LRIG1: variants seen among roughly 807,000 people sequenced by gnomAD.
LRIG1 encodes leucine rich repeats and immunoglobulin like domains 1.
LRIG1 carries 48 observed loss-of-function variants against 99.2 expected under a neutral mutation model. The observed-to-expected ratio is 0.48, with a 90% CI of 0.38 to 0.62. The LOEUF (loss-of-function observed/expected upper bound fraction) is 0.62, where lower values mean the gene tolerates loss of function less well. Among genes scored for constraint, LRIG1 ranks in the 20% least tolerant of loss-of-function variants. The probability of loss-of-function intolerance (pLI) is 0.00; values close to 1 mark genes in which losing one functional copy is unlikely to be tolerated. For missense variants in LRIG1, 1,646 were observed against 1,434.4 expected, an observed-to-expected ratio of 1.15 and a Z score of -2.38; for synonymous variants, 772 against 596.1, an observed-to-expected ratio of 1.29 and a Z score of -4.30.
At chr3:66,385,691 G>T (rs1441497743) in intron 13 of LRIG1, among the ~76,000 whole-genome samples, 1 of 152,114 alleles carries the variant, frequency 6.6e-6, no homozygotes, top group East Asian at 1.9e-4. Context: ...GGCTTCAAGT[G>T]ATCTGCCCAC....
At chr3:66,414,813 A>C in intron 5 of LRIG1, 107 bp downstream of exon 5, 1 of 1,159,358 alleles carries the variant, frequency 8.6e-7, no homozygotes, top group Non-Finnish European at 1.2e-6. Flanking sequence ...GGAGAGCTTT[A>C]CCAAATGGAG....
chr3:66,395,651 G>A (rs1461478623), intron 11 of LRIG1, among the ~76,000 whole-genome samples: 1 of 152,244 alleles, frequency 6.6e-6, no homozygotes, highest in East Asian at 1.9e-4. Flanking sequence ...TCTGCTGAGA[G>A]CCATCTGGAG....
In LRIG1 at chr3:66,393,427, G is replaced by C. The variant is rs139687530; in HGVS notation, c.1468+613C>G. 3.9e-3 allele frequency among the ~76,000 whole-genome samples: 596 copies of C among 152,330 alleles called. 4 individuals carry two copies. Among genetic ancestry groups the C allele is most frequent in the South Asian group, 0.021 (100 of 4,818 alleles). On this transcript the variant is annotated intron_variant, in intron 12 of 18. Coordinates refer to ENST00000273261, the MANE Select transcript of LRIG1 (RefSeq NM_015541.3). ...GTCCTGTCTGAGCTAGCCTGCGTGT[G>C]TGTTTTCAGCTGTTCAGCATTTTCT...
At chr3:66,414,683 A>G (rs534626669) in intron 5 of LRIG1, among the ~76,000 whole-genome samples, 1 of 152,308 alleles carries the variant, frequency 6.6e-6, no homozygotes, top group East Asian at 1.9e-4. Context: ...CCATTTTGGA[A>G]AACATCAGGG....
intron 1 of LRIG1, among the ~76,000 whole-genome samples, chr3:66,474,553 C>T (rs1700675206): frequency 1.3e-5 from 2 of 152,106 alleles, no homozygotes; most frequent in African/African-American, 4.8e-5. Context: ...ACCACATTGG[C>T]CAGGCTGGTC....
intron 3 of LRIG1, among the ~76,000 whole-genome samples, 187 bp downstream of exon 3, chr3:66,451,372 G>A (rs1305220907): frequency 2.0e-5 from 3 of 151,648 alleles, no homozygotes; most frequent in South Asian, 4.2e-4. Context: ...AACTTCCAGC[G>A]TTTAATTCTG....
intron 7 of LRIG1, 96 bp downstream of exon 7, chr3:66,410,033 C>A (rs955522221): frequency 7.2e-5 from 97 of 1,343,230 alleles, no homozygotes; most frequent in Non-Finnish European, 8.1e-5. Flanking sequence ...GAGCCCTCCC[C>A]GAGGCCACTG....
intron 1 of LRIG1, among the ~76,000 whole-genome samples, chr3:66,478,241 T>G (rs974519703): frequency 4.6e-5 from 7 of 152,210 alleles, no homozygotes; most frequent in African/African-American, 1.7e-4. Flanking sequence ...ACAACTAATT[T>G]CAGTGCATGT....
At chr3:66,411,056 C>T (rs559080297) in intron 6 of LRIG1, among the ~76,000 whole-genome samples, 24 of 152,294 alleles carry the variant, frequency 1.6e-4, no homozygotes, top group Non-Finnish European at 2.2e-4. Flanking sequence ...GCACTGACTC[C>T]ATGGGGTCAC....
chr3:66,459,589 C>A (rs979074411), intron 2 of LRIG1, among the ~76,000 whole-genome samples: 3 of 152,220 alleles, frequency 2.0e-5, no homozygotes, highest in African/African-American at 7.2e-5. Context: ...ACAAAAAATA[C>A]TCCCACATTA....
At chr3:66,452,636 T>A (rs978682441) in intron 2 of LRIG1, among the ~76,000 whole-genome samples, 3 of 152,166 alleles carry the variant, frequency 2.0e-5, no homozygotes, top group Non-Finnish European at 4.4e-5. Context: ...CTGTTTCTGT[T>A]TGAAGACAAA....
At chr3:66,490,044 A>T (rs546701677) in intron 1 of LRIG1, among the ~76,000 whole-genome samples, 1 of 152,222 alleles carries the variant, frequency 6.6e-6, no homozygotes, top group Non-Finnish European at 1.5e-5. Flanking sequence ...TAATGAAATG[A>T]ATATAATTTA....
intron 3 of LRIG1, among the ~76,000 whole-genome samples, chr3:66,422,297 A>C (rs954969479): frequency 6.6e-6 from 1 of 152,212 alleles, no homozygotes; most frequent in Non-Finnish European, 1.5e-5. Context: ...GTCAGGCTGC[A>C]AATTTTCCAA....
At chr3:66,496,447 A>T (rs1027683522) in intron 1 of LRIG1, among the ~76,000 whole-genome samples, 2 of 152,228 alleles carry the variant, frequency 1.3e-5, no homozygotes, top group East Asian at 3.9e-4. Context: ...ACTCAAAAAA[A>T]GTTGTCAGAG....
At chr3:66,427,327 C>T (rs1258069571) in intron 3 of LRIG1, among the ~76,000 whole-genome samples, 12 of 152,262 alleles carry the variant, frequency 7.9e-5, no homozygotes, top group Admixed American at 6.5e-5. Flanking sequence ...CAACATATCA[C>T]ACCTGGAATC....
intron 5 of LRIG1, among the ~76,000 whole-genome samples, 165 bp from the exon 6 acceptor site, chr3:66,413,179 C>T (rs145656861): frequency 4.6e-5 from 7 of 152,286 alleles, no homozygotes; most frequent in African/African-American, 1.7e-4. Flanking sequence ...GTCTCGGCTG[C>T]CATGCAGGCA....
At chr3:66,489,565 CAG>C (rs543321889) in intron 1 of LRIG1, among the ~76,000 whole-genome samples, 4 of 150,286 alleles carry the variant, frequency 2.7e-5, no homozygotes, top group Non-Finnish European at 4.4e-5. Flanking sequence ...AACACACACA[CAG>C]AGAGAGAGAG....
chr3:66,431,246 G>A (rs1703163030), intron 3 of LRIG1, among the ~76,000 whole-genome samples: 1 of 152,216 alleles, frequency 6.6e-6, no homozygotes, highest in African/African-American at 2.4e-5. Context: ...TTGAGGGAAG[G>A]AGGTAAGAAA....
intron 1 of LRIG1, among the ~76,000 whole-genome samples, chr3:66,496,142 A>G (rs1291546895): frequency 6.6e-6 from 1 of 152,244 alleles, no homozygotes. Context: ...TCAAAAGTCC[A>G]AAGTCTGTAA....
Sources: allele counts gnomAD v4.1 joint callset (sites outside exome capture counted in the v4.1 genomes callset), GRCh38; gene constraint gnomAD v4.1.1; transcripts MANE v1.5; gene names NCBI Gene and HGNC (gene_info 2026-07-23, HGNC 2026-07-21).